TRPM7: variants seen among roughly 807,000 people sequenced by gnomAD.
The protein encoded by TRPM7 is transient receptor potential cation channel subfamily M member 7, also known as LTRPC ion channel family member 7.
In TRPM7, 134 loss-of-function variants were observed where a neutral mutation model predicts 229.7. The ratio of observed to expected loss-of-function variants is 0.58; its 90% CI spans 0.51 to 0.67. The LOEUF (loss-of-function observed/expected upper bound fraction) is 0.67. Among genes scored for constraint, TRPM7 ranks in the 30% least tolerant of loss-of-function variants. TRPM7 has a pLI of 0.00. For missense variants in TRPM7, 1,901 were observed against 2,210.0 expected (o/e 0.86, Z 2.80); for synonymous variants, 699 against 715.2 (o/e 0.98, Z 0.36).
rs372073234 is a variant in TRPM7 at position 50,594,536 on chromosome 15, T to C, written c.3368A>G (p.His1123Arg). The C allele has an allele frequency of 1.9e-6, 3 of 1,613,224 alleles. No homozygotes were observed. The highest frequency in any genetic ancestry group is 1.3e-5 in the African/African-American group (1 of 75,034). ...YQRYHFIMAY[H>R]EKPVLPPPLI... The stretch of plus-strand genomic sequence containing the variant: ...TGGAGGAGGCAGAACTGGTTTCTCA[T>C]GATAAGCCATAATAAAATGATAACG... The change falls in exon 24 of 39, where the codon CAT (histidine) becomes CGT (arginine). Residue 1123 changes from histidine to arginine, a missense_variant. By Grantham distance (29) the His-to-Arg change is conservative. Around this residue, in one of 8 missense-constraint regions of TRPM7, gnomAD observed 89 missense variants for 178.2 expected, o/e 0.50. Coordinates refer to ENST00000646667, the MANE Select transcript of TRPM7 (RefSeq NM_017672.6).
chr15:50,593,762 A>G lies in TRPM7; in HGVS notation c.3476-13T>C, dbSNP rs753709511. ...GTTAAGAAAAGTTCTATGGGAGGAA[A>G]AGGAGAAGAAAATCAAGGAAGAGCT... On this transcript the variant is annotated splice_polypyrimidine_tract_variant and intron_variant, in intron 24 of 38. Transcript: ENST00000646667. 5.0e-6 allele frequency: 8 copies of G among 1,594,228 alleles called. No homozygotes were observed. The highest frequency in any genetic ancestry group is 8.5e-7 in the Non-Finnish European group (1 of 1,174,732).
chr15:50,637,615 A>G (rs752861169), intron 6 of TRPM7, 22 bp from the exon 7 acceptor site: 1 of 1,602,080 alleles, frequency 6.2e-7, no homozygotes, highest in South Asian at 1.1e-5. Flanking sequence ...CAAACAAAAG[A>G]GTTAGTGAGC....
chr15:50,676,278 T>C (rs901082434), intron 1 of TRPM7, among the ~76,000 whole-genome samples: 2 of 152,214 alleles, frequency 1.3e-5, no homozygotes, highest in African/African-American at 2.4e-5. Flanking sequence ...AAAATTCTGC[T>C]GTTAAGGTAA....
At chr15:50,590,750 G>C (rs1348782677) in intron 26 of TRPM7, among the ~76,000 whole-genome samples, 1 of 152,048 alleles carries the variant, frequency 6.6e-6, no homozygotes, top group African/African-American at 2.4e-5. Context: ...CTTGAATCTG[G>C]GAGGCAGAGG....
intron 22 of TRPM7, 106 bp downstream of exon 22, chr15:50,599,016 T>C: frequency 1.2e-6 from 1 of 809,512 alleles, no homozygotes; most frequent in Non-Finnish European, 1.9e-6. Flanking sequence ...GGGGCTTAGG[T>C]TGGTAATAGT....
chr15:50,654,741 G>C (rs1182268396), intron 3 of TRPM7, among the ~76,000 whole-genome samples: 1 of 150,834 alleles, frequency 6.6e-6, no homozygotes, highest in Non-Finnish European at 1.5e-5. Flanking sequence ...GCTCACGCCT[G>C]TAATCCCAGC....
chr15:50,597,355 T>G (rs1405548569), intron 22 of TRPM7, among the ~76,000 whole-genome samples: 1 of 152,244 alleles, frequency 6.6e-6, no homozygotes, highest in Non-Finnish European at 1.5e-5. Context: ...TAAATATTTA[T>G]AGTACACTTA....
chr15:50,620,285 A>G (rs1346857682), intron 12 of TRPM7, among the ~76,000 whole-genome samples: 1 of 150,430 alleles, frequency 6.6e-6, no homozygotes, highest in East Asian at 1.9e-4. Flanking sequence ...CTTAAAACAT[A>G]GAGTTTTTTT....
At position 50,559,033 on chromosome 15, in the gene TRPM7, C is replaced by T. The variant is rs140812478; in HGVS notation, c.*2645G>A. On this transcript the variant is annotated 3_prime_UTR_variant, in exon 39 of 39. Transcript: ENST00000646667. Reference sequence around the variant, plus strand: ...TCAGTCTCCCAAGTAGCTGGAACTACAGGTGCACACCATCACATCCAGTTA... The same window carrying T: ...TCAGTCTCCCAAGTAGCTGGAACTATAGGTGCACACCATCACATCCAGTTA... 0.011 allele frequency: 1,708 copies of T among 149,108 alleles called. 20 individuals carry two copies. Among genetic ancestry groups the T allele is most frequent in the Admixed American group, 0.02 (290 of 14,778 alleles). The allele number at this position is 149,108 out of a possible 1,614,324, so 9.2% of individuals were successfully genotyped here.
intron 1 of TRPM7, among the ~76,000 whole-genome samples, chr15:50,680,211 G>A (rs1168286698): frequency 6.6e-6 from 1 of 150,804 alleles, no homozygotes; most frequent in African/African-American, 2.4e-5. Flanking sequence ...TCCAGCCTGG[G>A]TGACAGAGCA....
At chr15:50,611,707 C>T (rs1455250529) in intron 16 of TRPM7, among the ~76,000 whole-genome samples, 1 of 152,132 alleles carries the variant, frequency 6.6e-6, no homozygotes. Context: ...AGGGACTAAC[C>T]TAATTATGAA....
chr15:50,596,060 G>C (rs563529886), intron 23 of TRPM7, among the ~76,000 whole-genome samples, 195 bp downstream of exon 23: 1 of 152,196 alleles, frequency 6.6e-6, no homozygotes, highest in African/African-American at 2.4e-5. Context: ...ACTGCAGGTT[G>C]AAAGATAATC....
At chr15:50,645,926 G>GGAGGCA (rs999156187) in intron 4 of TRPM7, among the ~76,000 whole-genome samples, 7 of 151,978 alleles carry the variant, frequency 4.6e-5, no homozygotes, top group African/African-American at 1.7e-4. Flanking sequence ...AGGCGGAGGC[G>GGAGGCA]GAGGCAGGTG....
chr15:50,682,507 C>T (rs1385372770), intron 1 of TRPM7, among the ~76,000 whole-genome samples: 1 of 150,296 alleles, frequency 6.7e-6, no homozygotes, highest in African/African-American at 2.5e-5. Flanking sequence ...ATCCAGGAGG[C>T]GGAGGTTGCA....
At position 50,574,698 on chromosome 15, in the gene TRPM7, C is replaced by G; in HGVS notation, c.5041G>C (p.Ala1681Pro). ...CLREIQQQRA[A>P]QKLTFAFNQM... ...TTAAAGGCAAACGTAAGCTTTTGTG[C>G]TGCTCTCTGTTGTTGAATTTCCTAT... The change falls in exon 35 of 39, where the codon GCA (alanine) becomes CCA (proline). Residue 1681 changes from alanine to proline, a missense_variant. Coordinates refer to ENST00000646667, the MANE Select transcript of TRPM7 (RefSeq NM_017672.6). The G allele has an allele frequency of 1.9e-6, 3 of 1,613,808 alleles. No individual in the cohort carries two copies. The highest frequency in any genetic ancestry group is 2.5e-6 in the Non-Finnish European group (3 of 1,179,908).
At chr15:50,592,682 AT>A in intron 25 of TRPM7, 56 bp from the exon 26 acceptor site, 14 of 1,226,488 alleles carry the variant, frequency 1.1e-5, no homozygotes, top group Non-Finnish European at 1.5e-5. Context: ...GTAGAATTTT[AT>A]TTTGTAGCCT....
In TRPM7 at chr15:50,637,730, A is replaced by G; in HGVS notation, c.661-137T>C. ...TACAGAAATAAATACCAAATGACAA[A>G]GAATGTTTCAAAAAGCGTAAGCTTT... is the stretch of plus-strand genomic sequence containing the variant. On this transcript the variant is annotated intron_variant, in intron 6 of 38. Coordinates refer to ENST00000646667, the MANE Select transcript of TRPM7 (RefSeq NM_017672.6). 3 of 801,608 alleles carry G rather than the reference A, an allele frequency of 3.7e-6. No individual in the cohort carries two copies. In the South Asian group the frequency reaches 6.2e-5, roughly 17 times the overall value. The allele number at this position is 801,608 out of a possible 1,614,324, so 49.7% of individuals were successfully genotyped here. A position where few individuals can be genotyped will look rare whatever the true frequency, so the allele number is the denominator to read the frequency against.
intron 4 of TRPM7, among the ~76,000 whole-genome samples, chr15:50,644,596 C>T (rs1271970854): frequency 1.3e-5 from 2 of 151,908 alleles, no homozygotes; most frequent in Admixed American, 6.6e-5. Flanking sequence ...TGAGGTCAAG[C>T]GTTCGAGGCC....
chr15:50,596,665 C>G (rs1450957140), intron 22 of TRPM7, among the ~76,000 whole-genome samples: 12 of 152,140 alleles, frequency 7.9e-5, no homozygotes, highest in Admixed American at 6.5e-4. Flanking sequence ...ATTTACCCTT[C>G]GAGGCAGGGT....
Sources: gnomAD v4.1 joint callset for allele counts (sites outside exome capture counted in the v4.1 genomes callset) on GRCh38, gnomAD v4.1.1 for gene constraint, gnomAD v4.1.1 regional missense constraint, MANE v1.5 for transcripts, NCBI Gene and HGNC (gene_info 2026-07-23, HGNC 2026-07-21) for gene names.